TLL1: variants seen among roughly 807,000 people sequenced by gnomAD.
TLL1 encodes the protein tolloid like 1.
A neutral mutation model predicts 128.2 loss-of-function variants in TLL1; 49 were observed. The ratio of observed to expected loss-of-function variants is 0.38; its 90% confidence interval spans 0.30 to 0.48. TLL1 has a LOEUF of 0.48. Ranked by LOEUF, TLL1 falls within the 20% of genes least tolerant of loss-of-function variation. TLL1 has a pLI of 0.96. For synonymous variants in TLL1, 454 were observed against 418.8 expected (o/e 1.08, Z -1.03); for missense variants, 1,123 against 1,242.0 (o/e 0.90, Z 1.44).
intron 1 of TLL1, among the ~76,000 whole-genome samples, chr4:165,937,289 G>T (rs1477736232): frequency 1.3e-5 from 2 of 152,068 alleles, no homozygotes; most frequent in African/African-American, 2.4e-5. Context: ...TTCCAATTTT[G>T]GATGACTGGG....
intron 16 of TLL1, among the ~76,000 whole-genome samples, chr4:166,072,332 A>C (rs1400004200): frequency 6.6e-6 from 1 of 151,898 alleles, no homozygotes; most frequent in Non-Finnish European, 1.5e-5. Flanking sequence ...CTATATAAAT[A>C]ATAATAATAA....
chr4:166,054,967 A>C, intron 12 of TLL1, 109 bp from the exon 13 acceptor site: 1 of 844,464 alleles, frequency 1.2e-6, no homozygotes, highest in Non-Finnish European at 1.8e-6. Context: ...TGATACAAAT[A>C]ACTTTTATAT....
intron 1 of TLL1, among the ~76,000 whole-genome samples, chr4:165,901,735 G>A (rs1732001188): frequency 6.6e-6 from 1 of 152,200 alleles, no homozygotes; most frequent in East Asian, 1.9e-4. Flanking sequence ...GGACCCACTT[G>A]AGGAGGCAGT....
chr4:165,969,422 G>C (rs1364914947), intron 1 of TLL1, among the ~76,000 whole-genome samples: 1 of 152,052 alleles, frequency 6.6e-6, no homozygotes, highest in Non-Finnish European at 1.5e-5. Flanking sequence ...CAGGATTGCT[G>C]TATCTTTTAT....
At chr4:165,969,247 T>C (rs1224858317) in intron 1 of TLL1, among the ~76,000 whole-genome samples, 1 of 152,144 alleles carries the variant, frequency 6.6e-6, no homozygotes, top group East Asian at 1.9e-4. Context: ...TTAATTTGTT[T>C]CCTGATGGTT....
chr4:165,970,012 C>A (rs900437354), intron 1 of TLL1, among the ~76,000 whole-genome samples: 1 of 152,084 alleles, frequency 6.6e-6, no homozygotes, highest in African/African-American at 2.4e-5. Flanking sequence ...TAAGGAAATT[C>A]ATTAGCCTGA....
intron 5 of TLL1, among the ~76,000 whole-genome samples, chr4:166,001,194 T>C (rs1208420212): frequency 6.6e-6 from 1 of 152,174 alleles, no homozygotes; most frequent in African/African-American, 2.4e-5. Flanking sequence ...GAAGAGGCGG[T>C]TGGCAATGTC....
chr4:165,896,282 A>C (rs1459828988), intron 1 of TLL1, among the ~76,000 whole-genome samples: 1 of 151,980 alleles, frequency 6.6e-6, no homozygotes, highest in African/African-American at 2.4e-5. Context: ...TTATGGCTGC[A>C]TATTATTCCA....
chr4:166,085,454 A>G (rs755261958), intron 18 of TLL1, among the ~76,000 whole-genome samples: 2 of 144,968 alleles, frequency 1.4e-5, no homozygotes, highest in South Asian at 4.3e-4. Context: ...CACATTCTTT[A>G]TATGCCTAAT....
chr4:165,906,043 C>T (rs758622043), intron 1 of TLL1, among the ~76,000 whole-genome samples: 8 of 152,028 alleles, frequency 5.3e-5, no homozygotes, highest in South Asian at 2.1e-4. Flanking sequence ...AACTAAGGCC[C>T]GATGCCTGTT....
chr4:166,097,742 C>G (rs1742089105), intron 19 of TLL1, among the ~76,000 whole-genome samples: 1 of 152,138 alleles, frequency 6.6e-6, no homozygotes, highest in South Asian at 2.1e-4. Flanking sequence ...TAAGGACTAT[C>G]TGGTCACAGA....
chr4:166,002,782 G>A (rs544922565), intron 5 of TLL1, among the ~76,000 whole-genome samples: 16 of 152,008 alleles, frequency 1.1e-4, no homozygotes, highest in Non-Finnish European at 1.9e-4. Context: ...TCTTTGAAAC[G>A]TTTCTTTTAT....
intron 10 of TLL1, 42 bp downstream of exon 10, chr4:166,039,483 T>G (rs1354981125): frequency 6.7e-7 from 1 of 1,487,864 alleles, no homozygotes. Flanking sequence ...GTATCTATTC[T>G]GTCCCGTCCA....
At chr4:165,916,468 C>T (rs573983613) in intron 1 of TLL1, among the ~76,000 whole-genome samples, 1 of 152,246 alleles carries the variant, frequency 6.6e-6, no homozygotes, top group Admixed American at 6.5e-5. Flanking sequence ...AGGTGTACAT[C>T]AGCGTCTGTG....
intron 1 of TLL1, among the ~76,000 whole-genome samples, chr4:165,907,945 A>G (rs900266356): frequency 7.2e-5 from 11 of 152,336 alleles, no homozygotes; most frequent in Admixed American, 5.2e-4. Context: ...AATGTTTCCA[A>G]CAAACACTGC....
intron 1 of TLL1, among the ~76,000 whole-genome samples, chr4:165,897,537 G>A (rs1467280641): frequency 1.3e-5 from 2 of 151,970 alleles, no homozygotes; most frequent in Admixed American, 6.6e-5. Flanking sequence ...GATGGTTGTA[G>A]ATGTGTGGCA....
At chr4:165,911,508 C>G (rs1279552639) in intron 1 of TLL1, among the ~76,000 whole-genome samples, 1 of 152,136 alleles carries the variant, frequency 6.6e-6, no homozygotes, top group Non-Finnish European at 1.5e-5. Flanking sequence ...ATCGTAATCA[C>G]TAAATACATC....
chr4:166,003,330 A>G (rs1737254193), intron 5 of TLL1, 61 bp from the exon 6 acceptor site: 9 of 1,573,438 alleles, frequency 5.7e-6, no homozygotes, highest in Admixed American at 1.7e-5. Context: ...AAAATTCACC[A>G]TATTGTCAGT....
chr4:166,018,922 A>G (rs1439188784), intron 8 of TLL1, among the ~76,000 whole-genome samples: 4 of 152,218 alleles, frequency 2.6e-5, no homozygotes, highest in Admixed American at 6.5e-5. Flanking sequence ...TTAAAACAGA[A>G]CTACTACTCA....
Sources: allele counts gnomAD v4.1 joint callset (sites outside exome capture counted in the v4.1 genomes callset), GRCh38; gene constraint gnomAD v4.1.1; transcripts MANE v1.5; gene names NCBI Gene and HGNC (gene_info 2026-07-23, HGNC 2026-07-21).